Variants in BANK1 observed in about 807,000 individuals in gnomAD.
BANK1 encodes the protein B cell scaffold protein with ankyrin repeats 1.
In BANK1, 95 loss-of-function variants were observed where a neutral mutation model predicts 94.5. The observed-to-expected ratio is 1.00, with a 90% CI of 0.85 to 1.19. The LOEUF (loss-of-function observed/expected upper bound fraction) is 1.19, where lower values mean the gene tolerates loss of function less well. Among genes scored for constraint, BANK1 ranks in the 50% most tolerant of loss-of-function variants. The pLI is 0.00. For synonymous variants in BANK1, 334 were observed against 308.4 expected (o/e 1.08, Z -0.87); for missense variants, 987 against 932.2 (o/e 1.06, Z -0.77).
chr4:101,905,160 G>A (rs1049404848), intron 6 of BANK1, among the ~76,000 whole-genome samples: 2 of 152,144 alleles, frequency 1.3e-5, no homozygotes, highest in African/African-American at 2.4e-5. Context: ...ATTATAATCT[G>A]AATCAATGAC....
chr4:101,996,397 C>T (rs1302103280), intron 7 of BANK1, among the ~76,000 whole-genome samples: 1 of 152,100 alleles, frequency 6.6e-6, no homozygotes, highest in East Asian at 1.9e-4. Flanking sequence ...TTAGGATTGT[C>T]TTAGCTATAT....
intron 11 of BANK1, among the ~76,000 whole-genome samples, chr4:102,052,903 C>T (rs1728098446): frequency 1.3e-5 from 2 of 152,034 alleles, no homozygotes; most frequent in South Asian, 4.2e-4. Context: ...ATGTGAAAGA[C>T]ATTTTAGATG....
chr4:102,041,090 A>T (rs1727688045), intron 10 of BANK1, among the ~76,000 whole-genome samples: 1 of 152,108 alleles, frequency 6.6e-6, no homozygotes, highest in Non-Finnish European at 1.5e-5. Flanking sequence ...ACTTTTGTAT[A>T]TAAATCTGAG....
At position 102,046,371 on chromosome 4, in the gene BANK1, A is replaced by T. The variant is rs78160938; in HGVS notation, c.1969+2464A>T. Among the ~76,000 whole-genome samples the T allele has an allele frequency of 5.8e-3, 888 of 152,228 alleles. 24 individuals are homozygous for T. In the East Asian group the frequency reaches 0.066, roughly 11 times the overall value. On this transcript the variant is annotated intron_variant, in intron 11 of 16. Coordinates refer to ENST00000322953, the MANE Select transcript of BANK1 (RefSeq NM_017935.5). ...GCCATAATACAATTAATACAAGAAA[A>T]TTATTTTAATTAACAAAGGCATGAA... is the stretch of plus-strand genomic sequence containing the variant.
chr4:101,936,481 C>A (rs967795225), intron 7 of BANK1, among the ~76,000 whole-genome samples: 1 of 149,864 alleles, frequency 6.7e-6, no homozygotes, highest in Non-Finnish European at 1.5e-5. Context: ...TATACACATA[C>A]ATGTGTATAC....
chr4:102,019,218 A>G (rs1384580564), intron 7 of BANK1, among the ~76,000 whole-genome samples: 3 of 152,200 alleles, frequency 2.0e-5, no homozygotes, highest in African/African-American at 7.2e-5. Context: ...AAAATGGGAA[A>G]TATATCTCTT....
At chr4:102,016,764 A>G (rs557430052) in intron 7 of BANK1, among the ~76,000 whole-genome samples, 6 of 152,192 alleles carry the variant, frequency 3.9e-5, no homozygotes, top group African/African-American at 1.2e-4. Flanking sequence ...CTTTGCTTCC[A>G]TAACTGTTTT....
intron 7 of BANK1, among the ~76,000 whole-genome samples, chr4:102,004,484 T>G (rs1303762620): frequency 6.6e-6 from 1 of 152,236 alleles, no homozygotes; most frequent in Non-Finnish European, 1.5e-5. Flanking sequence ...GCATTTTATT[T>G]ATTTTTTCAT....
intron 14 of BANK1, among the ~76,000 whole-genome samples, chr4:102,072,007 G>T (rs568718499): frequency 6.6e-6 from 1 of 152,286 alleles, no homozygotes; most frequent in South Asian, 2.1e-4. Context: ...GTGGAAAAGT[G>T]TGTTTTGTAA....
At chr4:102,060,810 TC>T (rs112243360) in intron 12 of BANK1, among the ~76,000 whole-genome samples, 1 of 152,208 alleles carries the variant, frequency 6.6e-6, no homozygotes, top group African/African-American at 2.4e-5. Flanking sequence ...ATCTTCTTTC[TC>T]CTTAAACATT....
intron 6 of BANK1, among the ~76,000 whole-genome samples, chr4:101,906,877 G>A (rs1722471754): frequency 6.6e-6 from 1 of 152,164 alleles, no homozygotes; most frequent in Non-Finnish European, 1.5e-5. Flanking sequence ...CTCAGTTGGG[G>A]AGACCCTAAC....
chr4:102,026,822 C>CAAA (rs74429394), intron 9 of BANK1, among the ~76,000 whole-genome samples: 25 of 59,748 alleles, frequency 4.2e-4, no homozygotes, highest in East Asian at 2.0e-3. Context: ...GACTCCATCT[C>CAAA]AAAAAAAAAA....
At chr4:101,842,318 A>G (rs1454150181) in intron 2 of BANK1, among the ~76,000 whole-genome samples, 2 of 152,234 alleles carry the variant, frequency 1.3e-5, no homozygotes, top group Non-Finnish European at 2.9e-5. Flanking sequence ...TTCACGATTG[A>G]TCAATTCCTT....
rs776608477 is a variant in BANK1 at position 102,063,126 on chromosome 4, GA to G, written c.2204del (p.Asn735MetfsTer70). ...DCIIGKRPEE[E>X]NVYNKLTIVH... Reference sequence around the variant, plus strand: ...CATTATTGGGAAAAGGCCAGAAGAAGAAAATGTCTATAGTAAGTAAGATTCG... The same window carrying G: ...CATTATTGGGAAAAGGCCAGAAGAAGAAATGTCTATAGTAAGTAAGATTCG... On this transcript the variant is annotated frameshift_variant, in exon 13 of 17. Transcript: ENST00000322953. LOFTEE classifies it high-confidence loss of function. The G allele has an allele frequency of 1.2e-4, 201 of 1,612,844 alleles. No homozygotes were observed. Among genetic ancestry groups the G allele is most frequent in the Non-Finnish European group, 1.7e-4 (196 of 1,179,096 alleles).
At chr4:101,949,094 G>C (rs944967454) in intron 7 of BANK1, among the ~76,000 whole-genome samples, 9 of 151,984 alleles carry the variant, frequency 5.9e-5, no homozygotes, top group Non-Finnish European at 4.4e-5. Flanking sequence ...GTGGCCAGCT[G>C]ACAGGTCAGC....
Position 101,792,469 on chromosome 4 carries a change from GTT to G in BANK1, c.70+1531_70+1532del, listed in dbSNP as rs5860691. Among the ~76,000 whole-genome samples, 853 of 97,614 alleles carry G rather than the reference GTT, an allele frequency of 8.7e-3. 9 individuals are homozygous for G. Among genetic ancestry groups the G allele is most frequent in the African/African-American group, 0.025 (734 of 29,440 alleles). 64.0% of individuals were successfully genotyped at this position (97,614 alleles called of 152,430 possible). On this transcript the variant is annotated intron_variant, in intron 1 of 16. Coordinates refer to ENST00000322953, the MANE Select transcript of BANK1 (RefSeq NM_017935.5). ...TGTGTGTGTGTGTGTGTGTGTGTGT[GTT>G]TTTTTTTTTTTAATGAAGAGCTCCC...
At chr4:101,881,045 A>G (rs1044616647) in intron 5 of BANK1, among the ~76,000 whole-genome samples, 10 of 152,138 alleles carry the variant, frequency 6.6e-5, no homozygotes, top group Non-Finnish European at 1.2e-4. Flanking sequence ...CGACAAGCAC[A>G]GGCAACCAAA....
intron 2 of BANK1, among the ~76,000 whole-genome samples, chr4:101,845,662 T>G (rs892650410): frequency 6.6e-6 from 1 of 152,224 alleles, no homozygotes; most frequent in African/African-American, 2.4e-5. Flanking sequence ...CTTTGTAAAG[T>G]AAATCATCCT....
intron 5 of BANK1, among the ~76,000 whole-genome samples, chr4:101,872,148 G>A (rs1038229047): frequency 2.6e-5 from 4 of 152,116 alleles, no homozygotes; most frequent in African/African-American, 9.7e-5. Context: ...GGATGATTCA[G>A]GTTTTACCAT....
Sources: allele counts gnomAD v4.1 joint callset (sites outside exome capture counted in the v4.1 genomes callset), GRCh38; gene constraint gnomAD v4.1.1; transcripts MANE v1.5; gene names NCBI Gene and HGNC (gene_info 2026-07-23, HGNC 2026-07-21).